The following SLIT3 variants were observed in gnomAD, a reference collection of about 807,000 sequenced individuals.
SLIT3 encodes slit guidance ligand 3, also known as slit homolog 3 protein.
A neutral mutation model predicts 184.0 loss-of-function variants in SLIT3; 68 were observed. That is an observed-to-expected ratio of 0.37 (90% CI 0.30 to 0.45). SLIT3 has a LOEUF of 0.45. Ranked by LOEUF, SLIT3 falls within the 20% of genes least tolerant of loss-of-function variation. The pLI is 1.00. For missense variants in SLIT3, 1,707 were observed against 2,026.0 expected (o/e 0.84, Z 3.02); for synonymous variants, 831 against 828.6 (o/e 1.00, Z -0.05).
At chr5:168,712,921 G>A (rs1762605635) in intron 23 of SLIT3, 1 of 154,490 alleles carries the variant, frequency 6.5e-6, no homozygotes, top group African/African-American at 2.4e-5. Flanking sequence ...AATCCACGTA[G>A]AGAGAGCCAG....
At chr5:169,198,924 T>C (rs147196335) in intron 3 of SLIT3, among the ~76,000 whole-genome samples, 109 of 144,660 alleles carry the variant, frequency 7.5e-4, no homozygotes, top group African/African-American at 2.8e-3. Flanking sequence ...AGAGCAAGAC[T>C]CCAACTCAAA....
intron 10 of SLIT3, chr5:168,791,734 A>G (rs1756376346): frequency 6.6e-6 from 1 of 152,220 alleles, no homozygotes; most frequent in Admixed American, 6.5e-5. Flanking sequence ...TTGTGGTAAG[A>G]ACACTTAAAA....
chr5:168,717,984 C>T (rs1028845930), intron 23 of SLIT3: 10 of 152,154 alleles, frequency 6.6e-5, no homozygotes, highest in East Asian at 3.9e-4. Flanking sequence ...ATAAATGAAA[C>T]GTTTGGACAG....
intron 4 of SLIT3, among the ~76,000 whole-genome samples, chr5:169,189,527 GATATATATAT>G (rs4042723): frequency 0.033 from 2,650 of 79,436 alleles, 52 homozygotes; most frequent in Middle Eastern, 0.058. Flanking sequence ...AGATAGATGG[GATATATATAT>G]ATATATATAT....
intron 4 of SLIT3, among the ~76,000 whole-genome samples, chr5:168,932,576 T>C (rs975939146): frequency 2.6e-5 from 4 of 152,148 alleles, no homozygotes; most frequent in African/African-American, 7.2e-5. Context: ...GTAGATAGTA[T>C]AGATAAGCGA....
intron 4 of SLIT3, among the ~76,000 whole-genome samples, chr5:168,911,772 C>A (rs1464219104): frequency 1.3e-5 from 2 of 152,326 alleles, no homozygotes; most frequent in Non-Finnish European, 1.5e-5. Flanking sequence ...TTTAGAGAAA[C>A]CTTTCCCTCA....
At chr5:168,700,966 G>T (rs545347647) in intron 26 of SLIT3, among the ~76,000 whole-genome samples, 1 of 152,238 alleles carries the variant, frequency 6.6e-6, no homozygotes, top group Non-Finnish European at 1.5e-5. Context: ...TGCAGGGCAA[G>T]AGCCCAGGCT....
intron 23 of SLIT3, 167 bp from the exon 24 acceptor site, chr5:168,712,521 G>A: frequency 1.6e-6 from 1 of 626,414 alleles, no homozygotes; most frequent in Non-Finnish European, 2.9e-6. Flanking sequence ...AATGTTCTAT[G>A]CCCAGCTCAG....
chr5:168,971,823 G>A (rs2113325027), intron 4 of SLIT3, among the ~76,000 whole-genome samples: 1 of 152,274 alleles, frequency 6.6e-6, no homozygotes, highest in East Asian at 1.9e-4. Context: ...TCCCTCCCTT[G>A]AGCATATTCC....
At chr5:169,265,568 C>T in intron 1 of SLIT3, among the ~76,000 whole-genome samples, 1 of 152,154 alleles carries the variant, frequency 6.6e-6, no homozygotes, top group African/African-American at 2.4e-5. Flanking sequence ...GTGGCAGGCC[C>T]TAGAATCAGA....
intron 1 of SLIT3, among the ~76,000 whole-genome samples, chr5:169,276,674 T>C (rs1766818755): frequency 6.6e-6 from 1 of 152,230 alleles, no homozygotes; most frequent in Non-Finnish European, 1.5e-5. Context: ...GTTGCCATGG[T>C]AGTAAAATTT....
intron 5 of SLIT3, among the ~76,000 whole-genome samples, chr5:168,856,150 G>A (rs554513633): frequency 6.6e-6 from 1 of 152,180 alleles, no homozygotes; most frequent in East Asian, 1.9e-4. Context: ...AAAGTGATGG[G>A]TGCACTACAT....
intron 4 of SLIT3, among the ~76,000 whole-genome samples, chr5:168,922,034 A>G (rs1761652262): frequency 6.6e-6 from 1 of 152,218 alleles, no homozygotes; most frequent in Non-Finnish European, 1.5e-5. Flanking sequence ...TGCAAGGTTA[A>G]TGAAATGAAC....
intron 3 of SLIT3, among the ~76,000 whole-genome samples, chr5:169,223,992 T>C (rs1018008945): frequency 6.6e-6 from 1 of 152,220 alleles, no homozygotes; most frequent in African/African-American, 2.4e-5. Flanking sequence ...TTTGACATTG[T>C]AATCATATCT....
At chr5:168,856,806 T>TGTGTGTGTGTGCGC (rs374432432) in intron 5 of SLIT3, among the ~76,000 whole-genome samples, 94 of 137,814 alleles carry the variant, frequency 6.8e-4, no homozygotes, top group East Asian at 4.3e-3. Flanking sequence ...TGTGTGTGTG[T>TGTGTGTGTGTGCGC]GCGCGCGCGC....
chr5:169,123,205 T>A (rs961368081), intron 4 of SLIT3, among the ~76,000 whole-genome samples: 1 of 152,072 alleles, frequency 6.6e-6, no homozygotes, highest in Non-Finnish European at 1.5e-5. Context: ...TTGTAAAGAA[T>A]CTCTATCAGA....
chr5:168,722,458 A>G (rs1392412324), intron 22 of SLIT3, 131 bp from the exon 23 acceptor site: 1 of 769,832 alleles, frequency 1.3e-6, no homozygotes, highest in African/African-American at 1.7e-5. Flanking sequence ...AACATCCCCT[A>G]AAGGGACAAG....
At chr5:169,273,227 G>A (rs147396862) in intron 1 of SLIT3, among the ~76,000 whole-genome samples, 1 of 152,334 alleles carries the variant, frequency 6.6e-6, no homozygotes, top group Non-Finnish European at 1.5e-5. Flanking sequence ...CTCGGCCAAA[G>A]GTGGCCACAG....
intron 5 of SLIT3, among the ~76,000 whole-genome samples, chr5:168,880,950 G>A (rs1759927477): frequency 6.6e-6 from 1 of 152,198 alleles, no homozygotes. Flanking sequence ...TACACTGTAA[G>A]CTACTGGAGA....
Sources: gnomAD v4.1 joint callset for allele counts (sites outside exome capture counted in the v4.1 genomes callset) on GRCh38, gnomAD v4.1.1 for gene constraint, MANE v1.5 for transcripts, NCBI Gene and HGNC (gene_info 2026-07-23, HGNC 2026-07-21) for gene names.